Variants in ENTREP2 observed in about 807,000 individuals in gnomAD.
ENTREP2 encodes protein ENTREP2.
the ENTREP2 span, among the ~76,000 whole-genome samples, chr15:29,586,830 T>C: frequency 6.6e-6 from 1 of 152,220 alleles, no homozygotes; most frequent in East Asian, 1.9e-4. Flanking sequence ...TAGATGTAAT[T>C]TGGCTATTTT....
the ENTREP2 span, among the ~76,000 whole-genome samples, chr15:29,617,600 AC>A: frequency 6.6e-6 from 1 of 152,232 alleles, no homozygotes; most frequent in African/African-American, 2.4e-5. Flanking sequence ...GAATCCATCA[AC>A]CTACGCCATC....
chr15:29,389,251 G>A, the ENTREP2 span, among the ~76,000 whole-genome samples: 5 of 151,934 alleles, frequency 3.3e-5, no homozygotes, highest in East Asian at 5.8e-4. Context: ...CACAAACTGC[G>A]AGAAAATAAA....
chr15:29,673,182 G>A, the ENTREP2 span, among the ~76,000 whole-genome samples: 1 of 152,092 alleles, frequency 6.6e-6, no homozygotes, highest in Non-Finnish European at 1.5e-5. Context: ...GATGACCACA[G>A]CTCATTATAC....
chr15:29,640,663 C>G, the ENTREP2 span, among the ~76,000 whole-genome samples: 2 of 151,546 alleles, frequency 1.3e-5, no homozygotes, highest in African/African-American at 4.9e-5. Flanking sequence ...CAAAACAAAA[C>G]AAAACAAAAC....
the ENTREP2 span, among the ~76,000 whole-genome samples, chr15:29,423,777 G>A: frequency 1.5e-3 from 227 of 152,002 alleles, no homozygotes; most frequent in Non-Finnish European, 2.2e-3. Context: ...CAACCTGGGC[G>A]ACAGCGAGAC....
chr15:29,665,649 T>C, the ENTREP2 span, among the ~76,000 whole-genome samples: 1 of 152,152 alleles, frequency 6.6e-6, no homozygotes, highest in African/African-American at 2.4e-5. Flanking sequence ...GCATGCCAGC[T>C]GCCATGCAAC....
the ENTREP2 span, among the ~76,000 whole-genome samples, chr15:29,601,055 G>A: frequency 3.5e-3 from 524 of 151,096 alleles, 4 homozygotes; most frequent in African/African-American, 0.012. Flanking sequence ...CCGCCACCAC[G>A]CCCGGCTAAT....
the ENTREP2 span, among the ~76,000 whole-genome samples, chr15:29,386,433 C>G: frequency 3.9e-5 from 6 of 152,164 alleles, no homozygotes; most frequent in Non-Finnish European, 8.8e-5. Flanking sequence ...GTCACACGCC[C>G]GGTGAGGCGG....
At chr15:29,538,985 A>C in the ENTREP2 span, among the ~76,000 whole-genome samples, 3 of 152,290 alleles carry the variant, frequency 2.0e-5, no homozygotes, top group East Asian at 3.9e-4. Context: ...GTGGCATGTA[A>C]GCTTTCTCCC....
the ENTREP2 span, among the ~76,000 whole-genome samples, chr15:29,601,166 G>A: frequency 1.3e-5 from 2 of 148,686 alleles, no homozygotes; most frequent in African/African-American, 5.2e-5. Context: ...CAAAGTGCTG[G>A]GATTACAGGC....
At chr15:29,269,206 A>T in the ENTREP2 span, 6 of 1,614,032 alleles carry the variant, frequency 3.7e-6, no homozygotes, top group East Asian at 6.7e-5. Context: ...GTCACCCCTC[A>T]TCTCGGCATC....
chr15:29,247,186 C>T, the ENTREP2 span, among the ~76,000 whole-genome samples: 1 of 152,060 alleles, frequency 6.6e-6, no homozygotes, highest in African/African-American at 2.4e-5. Context: ...TAAAGAAAAA[C>T]AAAAACTGGA....
the ENTREP2 span, among the ~76,000 whole-genome samples, chr15:29,529,591 A>G: frequency 6.6e-6 from 1 of 151,950 alleles, no homozygotes; most frequent in Non-Finnish European, 1.5e-5. Flanking sequence ...GTGAGCCATT[A>G]CCACCTGCAG....
the ENTREP2 span, among the ~76,000 whole-genome samples, chr15:29,447,653 A>ATTT: frequency 0.055 from 7,742 of 141,134 alleles, 269 homozygotes; most frequent in Non-Finnish European, 0.073. Flanking sequence ...GACCTGGCTG[A>ATTT]TTTTTTTTTT....
chr15:29,466,053 C>T, the ENTREP2 span, among the ~76,000 whole-genome samples: 1 of 152,168 alleles, frequency 6.6e-6, no homozygotes, highest in Non-Finnish European at 1.5e-5. Flanking sequence ...GTGCTGTTCT[C>T]TGTACCGGCA....
the ENTREP2 span, among the ~76,000 whole-genome samples, chr15:29,291,621 G>A: frequency 2.0e-5 from 3 of 152,256 alleles, no homozygotes; most frequent in East Asian, 3.9e-4. Flanking sequence ...GAAAGAAATC[G>A]AAGCCAACCA....
chr15:29,642,719 T>TCTTCTG, the ENTREP2 span, among the ~76,000 whole-genome samples: 2 of 151,934 alleles, frequency 1.3e-5, no homozygotes, highest in African/African-American at 2.4e-5. Context: ...TTCAAGCGAT[T>TCTTCTG]CTTCTGCCTC....
chr15:29,156,407 C>T, the ENTREP2 span, among the ~76,000 whole-genome samples: 7 of 152,026 alleles, frequency 4.6e-5, no homozygotes, highest in East Asian at 5.8e-4. Flanking sequence ...AGGCTGGTCT[C>T]GAACTCCTGA....
chr15:29,333,329 C>T, the ENTREP2 span, among the ~76,000 whole-genome samples: 1 of 152,172 alleles, frequency 6.6e-6, no homozygotes, highest in South Asian at 2.1e-4. Context: ...TGAGTCCATA[C>T]AGGGCTCATG....
Sources: gnomAD v4.1 joint callset for allele counts (sites outside exome capture counted in the v4.1 genomes callset) on GRCh38, gnomAD v4.1.1 for gene constraint, MANE v1.5 for transcripts, NCBI Gene and HGNC (gene_info 2026-07-23, HGNC 2026-07-21) for gene names.